UBE2H: variants seen among roughly 807,000 people sequenced by gnomAD.
UBE2H encodes the protein ubiquitin conjugating enzyme E2 H.
A neutral mutation model predicts 29.0 loss-of-function variants in UBE2H; 3 were observed. The ratio of observed to expected loss-of-function variants is 0.10; its 90% CI spans 0.05 to 0.27. UBE2H has a LOEUF of 0.27. Among genes scored for constraint, UBE2H ranks in the 10% least tolerant of loss-of-function variants. The pLI is 1.00. For synonymous variants in UBE2H, 69 were observed against 82.9 expected, an observed-to-expected ratio of 0.83 and a Z score of 0.91; for missense variants, 68 against 228.2, an observed-to-expected ratio of 0.30 and a Z score of 4.52.
chr7:129,948,690 T>C (rs1563056046), intron 1 of UBE2H, among the ~76,000 whole-genome samples: 1 of 152,204 alleles, frequency 6.6e-6, no homozygotes, highest in East Asian at 1.9e-4. Context: ...ATCCTATTAC[T>C]GAACTCCCTC....
chr7:129,872,058 T>C (rs1584756981), intron 3 of UBE2H, among the ~76,000 whole-genome samples: 1 of 152,164 alleles, frequency 6.6e-6, no homozygotes, highest in South Asian at 2.1e-4. Flanking sequence ...TTTCACCATA[T>C]TGGTGAGGCT....
intron 1 of UBE2H, among the ~76,000 whole-genome samples, chr7:129,925,904 T>C (rs1807259130): frequency 6.6e-6 from 1 of 152,134 alleles, no homozygotes; most frequent in Admixed American, 6.6e-5. Flanking sequence ...TAACTTACCA[T>C]CACAACTACA....
intron 1 of UBE2H, among the ~76,000 whole-genome samples, chr7:129,890,228 C>T (rs193140496): frequency 2.0e-5 from 3 of 151,696 alleles, no homozygotes; most frequent in Admixed American, 6.6e-5. Context: ...AAAGTGATAC[C>T]ACATATATAT....
chr7:129,905,987 A>G (rs1806807770), intron 1 of UBE2H, among the ~76,000 whole-genome samples: 1 of 151,954 alleles, frequency 6.6e-6, no homozygotes, highest in South Asian at 2.1e-4. Flanking sequence ...ACTTATACAG[A>G]TGTTCCATTT....
chr7:129,941,482 A>G (rs945532561), intron 1 of UBE2H, among the ~76,000 whole-genome samples: 1 of 152,100 alleles, frequency 6.6e-6, no homozygotes, highest in Non-Finnish European at 1.5e-5. Flanking sequence ...GTGTCTGAAT[A>G]CCAAAACAGT....
chr7:129,842,997 ATT>A (rs1214247554), intron 5 of UBE2H, among the ~76,000 whole-genome samples: 19 of 139,550 alleles, frequency 1.4e-4, no homozygotes, highest in South Asian at 4.5e-4. Context: ...ATTAACAGTA[ATT>A]TTTTTTTTTT....
intron 3 of UBE2H, among the ~76,000 whole-genome samples, chr7:129,874,748 G>C (rs75389846): frequency 0.062 from 9,495 of 152,170 alleles, 370 homozygotes; most frequent in Non-Finnish European, 0.091. Flanking sequence ...ACGGAAGGGG[G>C]AAGTGGAAGA....
chr7:129,935,759 A>T (rs950455985), intron 1 of UBE2H, among the ~76,000 whole-genome samples: 1 of 152,340 alleles, frequency 6.6e-6, no homozygotes, highest in East Asian at 1.9e-4. Context: ...CACAACAAAC[A>T]TGACTACTAG....
chr7:129,909,613 T>C (rs1167157853), intron 1 of UBE2H, among the ~76,000 whole-genome samples: 20 of 152,080 alleles, frequency 1.3e-4, no homozygotes, highest in Admixed American at 1.3e-3. Flanking sequence ...CTTAGCACTT[T>C]GGGAGGCTGA....
At chr7:129,884,752 T>A (rs1471875) in intron 1 of UBE2H, among the ~76,000 whole-genome samples, 97,786 of 151,822 alleles carry the variant, frequency 0.64, 32,499 homozygotes, top group East Asian at 0.88. Context: ...CCCAGCTAAT[T>A]TTTTTAGTTT....
At chr7:129,909,280 G>A (rs1011613068) in intron 1 of UBE2H, among the ~76,000 whole-genome samples, 3 of 152,214 alleles carry the variant, frequency 2.0e-5, no homozygotes, top group African/African-American at 7.2e-5. Context: ...ATCACCAGGA[G>A]AGTGACATTC....
rs1287131523 is a variant in UBE2H, at chr7:129,833,167, TTTTTA to T, written c.*1765_*1769del. On this transcript the variant is annotated 3_prime_UTR_variant, in exon 7 of 7. Transcript: ENST00000355621. ...ACATAAAGTAAGTAAATTCTTTGTC[TTTTTA>T]TTTAGGAAAATAATCATGCTAAAAG... 15 of 152,730 alleles carry T rather than the reference TTTTTA, an allele frequency of 9.8e-5. No individual in the cohort carries two copies. The highest frequency in any genetic ancestry group is 2.0e-4 in the Admixed American group (3 of 15,298). 9.5% of individuals were successfully genotyped at this position (152,730 alleles called of 1,614,324 possible). A position where few individuals can be genotyped will look rare whatever the true frequency, so the allele number is the denominator to read the frequency against.
At chr7:129,854,581 C>T (rs1161320178) in intron 5 of UBE2H, among the ~76,000 whole-genome samples, 1 of 152,200 alleles carries the variant, frequency 6.6e-6, no homozygotes, top group Non-Finnish European at 1.5e-5. Context: ...TTATTAAATG[C>T]TTTGCAAGCT....
intron 6 of UBE2H, among the ~76,000 whole-genome samples, chr7:129,837,081 C>T (rs1805344869): frequency 6.6e-6 from 1 of 152,106 alleles, no homozygotes; most frequent in Non-Finnish European, 1.5e-5. Context: ...CAAACATGTA[C>T]TATAATACAG....
chr7:129,939,051 G>A (rs886731521), intron 1 of UBE2H, among the ~76,000 whole-genome samples: 3 of 152,150 alleles, frequency 2.0e-5, no homozygotes, highest in Admixed American at 6.5e-5. Flanking sequence ...TATCCGCCTT[G>A]GCGTCCCAAA....
At chr7:129,835,122 C>A in intron 6 of UBE2H, 61 bp from the exon 7 acceptor site, 2 of 1,605,604 alleles carry the variant, frequency 1.2e-6, no homozygotes, top group Non-Finnish European at 1.7e-6. Flanking sequence ...GCTTTGGCGA[C>A]CCCAAAAAGC....
At chr7:129,875,520 G>C (rs146202263) in intron 3 of UBE2H, among the ~76,000 whole-genome samples, 5 of 152,038 alleles carry the variant, frequency 3.3e-5, no homozygotes, top group Non-Finnish European at 5.9e-5. Flanking sequence ...ATTATTTGAA[G>C]GATATAAAAT....
At chr7:129,930,909 CAA>C (rs71175050) in intron 1 of UBE2H, among the ~76,000 whole-genome samples, 47 of 34,286 alleles carry the variant, frequency 1.4e-3, no homozygotes, top group African/African-American at 4.8e-3. Flanking sequence ...CCCCGTCTCA[CAA>C]AAAAAAAAAA....
intron 1 of UBE2H, among the ~76,000 whole-genome samples, chr7:129,908,435 A>G (rs1002047255): frequency 2.0e-5 from 3 of 152,214 alleles, no homozygotes; most frequent in Non-Finnish European, 4.4e-5. Flanking sequence ...TTCCTAGTTC[A>G]ACTAGCTGCA....
Sources: allele counts gnomAD v4.1 joint callset (sites outside exome capture counted in the v4.1 genomes callset), GRCh38; gene constraint gnomAD v4.1.1; transcripts MANE v1.5; gene names NCBI Gene and HGNC (gene_info 2026-07-23, HGNC 2026-07-21).